CAPN14: variants seen among roughly 807,000 people sequenced by gnomAD.
The protein encoded by CAPN14 is calpain-14.
Under a neutral mutation model 101.3 loss-of-function variants are expected in CAPN14, and 94 were observed. The ratio of observed to expected loss-of-function variants is 0.93; its 90% CI spans 0.79 to 1.10. The LOEUF is 1.10. Ranked by LOEUF, CAPN14 falls within the 50% of genes least tolerant of loss-of-function variation. The pLI is 0.00. For synonymous variants in CAPN14, 338 were observed against 317.9 expected (o/e 1.06, Z -0.67); for missense variants, 837 against 828.4 (o/e 1.01, Z -0.13).
At chr2:31,229,804 A>T (rs960090038) in intron 1 of CAPN14, among the ~76,000 whole-genome samples, 1 of 151,998 alleles carries the variant, frequency 6.6e-6, no homozygotes, top group African/African-American at 2.4e-5. Flanking sequence ...AGAACACCCC[A>T]TTCCTGACTA....
At chr2:31,183,612 A>C (rs1572394463) in intron 16 of CAPN14, among the ~76,000 whole-genome samples, 2 of 152,144 alleles carry the variant, frequency 1.3e-5, no homozygotes, top group African/African-American at 4.8e-5. Flanking sequence ...GCCATCAGAG[A>C]AATGTAAATC....
intron 16 of CAPN14, among the ~76,000 whole-genome samples, chr2:31,185,668 C>G (rs938000632): frequency 6.6e-6 from 1 of 152,184 alleles, no homozygotes; most frequent in Non-Finnish European, 1.5e-5. Context: ...CTGAATTTGG[C>G]TTTGAGAAGC....
At chr2:31,227,561 C>T (rs535444809) in intron 1 of CAPN14, among the ~76,000 whole-genome samples, 3 of 152,200 alleles carry the variant, frequency 2.0e-5, no homozygotes, top group Non-Finnish European at 2.9e-5. Flanking sequence ...CTTATAAAAA[C>T]GTATCAGGTC....
In CAPN14 at chr2:31,191,425, AAACAG is replaced by A; in HGVS notation, c.1279-23_1279-19del. On this transcript the variant is annotated intron_variant, in intron 11 of 21. Transcript: ENST00000403897. ...TTGTTCATCTAAAAAACAAAAACAA[AAACAG>A]AAAAAAAAAAAAAAAGAGGAGAGAG... The A allele has an allele frequency of 6.5e-7, 1 of 1,536,542 alleles. No homozygotes were observed. Among genetic ancestry groups the A allele is most frequent in the Non-Finnish European group, 8.7e-7 (1 of 1,144,140 alleles).
chr2:31,192,082 G>T lies in CAPN14; in HGVS notation c.1131C>A (p.Asn377Lys), dbSNP rs1434916354. 2 of 1,549,078 alleles carry T rather than the reference G, an allele frequency of 1.3e-6. No individual in the cohort carries two copies. The highest frequency in any genetic ancestry group is 1.4e-5 in the African/African-American group (1 of 72,934). The change falls in exon 11 of 22, where the codon AAC becomes AAA. Residue 377 changes from asparagine to lysine, a missense_variant. By Grantham distance (94) the Asn-to-Lys change is moderately conservative. Transcript: ENST00000403897. The part of the protein sequence containing the change: ...RQLLQDTFWK[N>K]PQFLLSVWRP... ...TCCAGACAGACAGCAGGAACTGCGG[G>T]TTCTTCCAAAATGTGTCTGGAGCAG...
chr2:31,228,053 G>A (rs572985046), intron 1 of CAPN14, among the ~76,000 whole-genome samples: 1 of 152,344 alleles, frequency 6.6e-6, no homozygotes, highest in East Asian at 1.9e-4. Context: ...AAAGGAGCCC[G>A]CGTGGTGAGG....
intron 1 of CAPN14, among the ~76,000 whole-genome samples, chr2:31,213,907 T>C (rs1330486535): frequency 6.6e-6 from 1 of 152,188 alleles, no homozygotes; most frequent in East Asian, 1.9e-4. Context: ...TTTTGTAATG[T>C]TAATGGTTTG....
At chr2:31,202,969 G>C in intron 3 of CAPN14, 101 bp downstream of exon 3, 1 of 1,000,004 alleles carries the variant, frequency 1.0e-6, no homozygotes, top group Non-Finnish European at 1.5e-6. Flanking sequence ...CCTCTCTCCA[G>C]TGGGGATCTC....
intron 15 of CAPN14, among the ~76,000 whole-genome samples, chr2:31,186,836 T>C (rs1680923689): frequency 6.6e-6 from 1 of 152,216 alleles, no homozygotes; most frequent in African/African-American, 2.4e-5. Flanking sequence ...AATATAAGTA[T>C]CAAACATCTG....
rs1572407728 is a variant in CAPN14 at position 31,193,432 on chromosome 2, G to A, written c.951-138C>T. The A allele has an allele frequency of 5.9e-6, 5 of 851,638 alleles. No individual in the cohort carries two copies. In the East Asian group the frequency reaches 1.3e-4, roughly 23 times the overall value. The allele number at this position is 851,638 out of a possible 1,614,324, so 52.8% of individuals were successfully genotyped here. A position where few individuals can be genotyped will look rare whatever the true frequency, so the allele number is the denominator to read the frequency against. ...AAGACACCAGCTCTTGTGCAGAGCT[G>A]AGCTGACGATAGGCACATCAGCTGG... On this transcript the variant is annotated intron_variant, in intron 9 of 21. Coordinates refer to ENST00000403897, the MANE Select transcript of CAPN14 (RefSeq NM_001145122.2).
chr2:31,179,601 G>A (rs1445711866), intron 17 of CAPN14, among the ~76,000 whole-genome samples: 3 of 152,330 alleles, frequency 2.0e-5, no homozygotes, highest in South Asian at 4.1e-4. Flanking sequence ...TGGGATGACT[G>A]AGTCAAATGC....
At chr2:31,186,766 C>A (rs891212032) in intron 15 of CAPN14, among the ~76,000 whole-genome samples, 1 of 152,164 alleles carries the variant, frequency 6.6e-6, no homozygotes. Flanking sequence ...AGATTTTAAT[C>A]TTAGAGTTTA....
chr2:31,229,314 GT>G (rs1683116681), intron 1 of CAPN14, among the ~76,000 whole-genome samples: 2 of 152,104 alleles, frequency 1.3e-5, no homozygotes, highest in Non-Finnish European at 2.9e-5. Flanking sequence ...CATGTGTTAA[GT>G]TTTTTAAAAA....
intron 10 of CAPN14, among the ~76,000 whole-genome samples, chr2:31,192,423 C>T (rs1394441950): frequency 6.6e-6 from 1 of 152,182 alleles, no homozygotes; most frequent in East Asian, 1.9e-4. Context: ...GGGAGGTGAC[C>T]ATGATCCTAG....
chr2:31,193,467 G>C (rs1034870586), intron 9 of CAPN14, among the ~76,000 whole-genome samples, 173 bp from the exon 10 acceptor site: 2 of 152,126 alleles, frequency 1.3e-5, no homozygotes, highest in African/African-American at 2.4e-5. Flanking sequence ...GGGCTGGCTA[G>C]ATCCCTGTGA....
chr2:31,200,726 T>C (rs1681715226), intron 5 of CAPN14, 101 bp from the exon 6 acceptor site: 1 of 1,178,126 alleles, frequency 8.5e-7, no homozygotes, highest in Non-Finnish European at 1.2e-6. Flanking sequence ...TCTAGTTTTC[T>C]CATACCAAAA....
chr2:31,227,067 C>T (rs1010296251), intron 1 of CAPN14, among the ~76,000 whole-genome samples: 2 of 152,186 alleles, frequency 1.3e-5, no homozygotes, highest in African/African-American at 4.8e-5. Context: ...CAAAAGCAGA[C>T]ACTGACCATA....
intron 1 of CAPN14, among the ~76,000 whole-genome samples, chr2:31,228,764 G>GA (rs1683100433): frequency 6.6e-6 from 1 of 152,126 alleles, no homozygotes; most frequent in South Asian, 2.1e-4. Context: ...CTTTAATCCT[G>GA]AAAAAATGCT....
Position 31,196,351 on chromosome 2 carries a change from T to C in CAPN14, c.875+898A>G, listed in dbSNP as rs527339010. On this transcript the variant is annotated intron_variant, in intron 8 of 21. Coordinates refer to ENST00000403897, the MANE Select transcript of CAPN14 (RefSeq NM_001145122.2). ...AAAGAAACCGCCACCAGCAACAATA[T>C]GATGCTAGACTTCTGTAGCATGTTA... 1.2e-4 allele frequency among the ~76,000 whole-genome samples: 19 copies of C among 152,344 alleles called. No individual in the cohort carries two copies. In the South Asian group the frequency reaches 3.9e-3, roughly 32 times the overall value.
Sources: gnomAD v4.1 joint callset for allele counts (sites outside exome capture counted in the v4.1 genomes callset) on GRCh38, gnomAD v4.1.1 for gene constraint, MANE v1.5 for transcripts, NCBI Gene and HGNC (gene_info 2026-07-23, HGNC 2026-07-21) for gene names.